Variants in ARHGAP12 observed in about 807,000 individuals in gnomAD.
The protein encoded by ARHGAP12 is rho GTPase-activating protein 12.
A neutral mutation model predicts 108.6 loss-of-function variants in ARHGAP12; 64 were observed. The ratio of observed to expected loss-of-function variants is 0.59; its 90% confidence interval spans 0.48 to 0.73. ARHGAP12 has a LOEUF of 0.73. ARHGAP12 is among the 30% of genes least tolerant of loss of function. The pLI, the probability that ARHGAP12 is intolerant of heterozygous loss-of-function variation, is 0.00. For missense variants in ARHGAP12, 940 were observed against 1,005.9 expected (o/e 0.93, Z 0.89); for synonymous variants, 312 against 337.2 (o/e 0.93, Z 0.82).
intron 3 of ARHGAP12, among the ~76,000 whole-genome samples, chr10:31,881,059 A>G (rs1468300926): frequency 6.6e-6 from 1 of 151,718 alleles, no homozygotes; most frequent in Non-Finnish European, 1.5e-5. Context: ...CTCCATCTCT[A>G]TCCCCCTCAG....
chr10:31,830,727 A>C (rs538967267), intron 10 of ARHGAP12, among the ~76,000 whole-genome samples: 1 of 152,224 alleles, frequency 6.6e-6, no homozygotes, highest in South Asian at 2.1e-4. Context: ...ACATTAACCA[A>C]AAAATCCAAC....
chr10:31,905,302 C>T (rs1484696180), intron 3 of ARHGAP12, among the ~76,000 whole-genome samples: 1 of 152,130 alleles, frequency 6.6e-6, no homozygotes, highest in Non-Finnish European at 1.5e-5. Context: ...CACTATGTCA[C>T]TCAGGCTGGT....
intron 5 of ARHGAP12, among the ~76,000 whole-genome samples, chr10:31,853,827 G>A (rs865861686): frequency 1.1e-4 from 16 of 152,212 alleles, no homozygotes; most frequent in African/African-American, 3.4e-4. Flanking sequence ...ACATTCAACA[G>A]GTGTACTCTT....
rs1443365296 is a variant in ARHGAP12 at position 31,928,524 on chromosome 10, G to A, written c.-111+159C>T. 3.4e-5 allele frequency among the ~76,000 whole-genome samples: 5 copies of A among 149,166 alleles called. No homozygotes were observed. The East Asian group carries it at 9.8e-4, about 29-fold the overall frequency. ...CTGCGCGCCCGACCTCCCTTTGCGCGCACCTCCGCGGCGCCGCCGCCGCCG... is the reference window on the plus strand; with the variant it reads ...CTGCGCGCCCGACCTCCCTTTGCGCACACCTCCGCGGCGCCGCCGCCGCCG... On this transcript the variant is annotated intron_variant, in intron 1 of 19. Coordinates refer to ENST00000344936, the MANE Select transcript of ARHGAP12 (RefSeq NM_018287.7).
chr10:31,895,885 T>C (rs1482014747), intron 3 of ARHGAP12, among the ~76,000 whole-genome samples: 3 of 152,168 alleles, frequency 2.0e-5, no homozygotes, highest in Non-Finnish European at 2.9e-5. Flanking sequence ...GTGGCACATA[T>C]ATACCATGGA....
chr10:31,846,899 ATTTTTTTTTTTTTT>A (rs377177944), intron 6 of ARHGAP12, among the ~76,000 whole-genome samples: 2 of 84,612 alleles, frequency 2.4e-5, no homozygotes, highest in East Asian at 7.3e-4. Context: ...GGCACTGTTC[ATTTTTTTTTTTTTT>A]TTTTTTTTTG....
intron 3 of ARHGAP12, among the ~76,000 whole-genome samples, chr10:31,893,387 G>C (rs930845734): frequency 3.3e-5 from 5 of 152,026 alleles, no homozygotes; most frequent in Non-Finnish European, 7.4e-5. Flanking sequence ...GAATCAAATA[G>C]ACGCAATAAA....
rs1196526188 is a variant in ARHGAP12, at chr10:31,814,249, G to C, written c.1834+10C>G. On this transcript the variant is annotated intron_variant, in intron 14 of 19. Coordinates refer to ENST00000344936, the MANE Select transcript of ARHGAP12 (RefSeq NM_018287.7). ...CAAATCCTTAGCAAAATAGGGAAAG[G>C]ACAACTTACAACGAAGCTTTTTGGG... 3 of 1,607,306 alleles carry C rather than the reference G, an allele frequency of 1.9e-6. No homozygotes were observed. Among genetic ancestry groups the C allele is most frequent in the Admixed American group, 1.7e-5 (1 of 59,964 alleles).
At chr10:31,811,878 C>T (rs1040874616) in intron 15 of ARHGAP12, among the ~76,000 whole-genome samples, 1 of 152,008 alleles carries the variant, frequency 6.6e-6, no homozygotes, top group Non-Finnish European at 1.5e-5. Context: ...CCAATCTGGT[C>T]TTGAGTTTCT....
At chr10:31,860,444 G>A (rs915936706) in intron 4 of ARHGAP12, among the ~76,000 whole-genome samples, 1 of 152,194 alleles carries the variant, frequency 6.6e-6, no homozygotes, top group African/African-American at 2.4e-5. Context: ...CCTCTTGCCA[G>A]ACTACTGAGA....
chr10:31,836,478 A>T (rs1427883472), intron 9 of ARHGAP12, among the ~76,000 whole-genome samples: 1 of 152,210 alleles, frequency 6.6e-6, no homozygotes, highest in Non-Finnish European at 1.5e-5. Context: ...TAAAAATTAG[A>T]AAAGAAAAAG....
chr10:31,890,958 T>C (rs1387647299), intron 3 of ARHGAP12, among the ~76,000 whole-genome samples: 1 of 152,184 alleles, frequency 6.6e-6, no homozygotes, highest in African/African-American at 2.4e-5. Flanking sequence ...TTTGTAAATA[T>C]ATGTATATAT....
intron 1 of ARHGAP12, among the ~76,000 whole-genome samples, chr10:31,912,706 AG>A (rs997251847): frequency 6.6e-6 from 1 of 152,206 alleles, no homozygotes; most frequent in African/African-American, 2.4e-5. Flanking sequence ...ACAATGGGAT[AG>A]AAAGTAAGAG....
At chr10:31,877,671 C>T (rs530847125) in intron 3 of ARHGAP12, among the ~76,000 whole-genome samples, 152 of 152,338 alleles carry the variant, frequency 1.0e-3, no homozygotes, top group African/African-American at 3.4e-3. Context: ...TGCGTTACAA[C>T]TACTTGAGTG....
chr10:31,834,018 G>C (rs1224152496), intron 9 of ARHGAP12, among the ~76,000 whole-genome samples: 1 of 152,134 alleles, frequency 6.6e-6, no homozygotes, highest in East Asian at 1.9e-4. Flanking sequence ...GGCAGTGACA[G>C]AGAAAAGGGG....
chr10:31,842,753 G>A (rs2132236646), intron 7 of ARHGAP12, among the ~76,000 whole-genome samples: 1 of 152,140 alleles, frequency 6.6e-6, no homozygotes, highest in African/African-American at 2.4e-5. Flanking sequence ...GAAGCCTGAT[G>A]ATTTAAAAAA....
chr10:31,886,798 C>T (rs369950743), intron 3 of ARHGAP12, among the ~76,000 whole-genome samples: 2 of 152,130 alleles, frequency 1.3e-5, no homozygotes, highest in African/African-American at 2.4e-5. Flanking sequence ...AGGACTGACA[C>T]AAAATGCAGT....
chr10:31,853,910 C>T (rs1836789751), intron 5 of ARHGAP12, among the ~76,000 whole-genome samples, 156 bp downstream of exon 5: 1 of 152,180 alleles, frequency 6.6e-6, no homozygotes, highest in Non-Finnish European at 1.5e-5. Context: ...TCAGTAGTTA[C>T]ACTGAGTTTT....
intron 1 of ARHGAP12, among the ~76,000 whole-genome samples, chr10:31,919,101 T>C (rs1839682494): frequency 6.6e-6 from 1 of 152,230 alleles, no homozygotes; most frequent in Non-Finnish European, 1.5e-5. Flanking sequence ...AGACTATTTA[T>C]GCTTAGGGAA....
Sources: gnomAD v4.1 joint callset for allele counts (sites outside exome capture counted in the v4.1 genomes callset) on GRCh38, gnomAD v4.1.1 for gene constraint, MANE v1.5 for transcripts, NCBI Gene and HGNC (gene_info 2026-07-23, HGNC 2026-07-21) for gene names.